APOLD1: variants seen among roughly 807,000 people sequenced by gnomAD.
APOLD1 encodes apolipoprotein L domain containing 1.
Under a neutral mutation model 15.3 loss-of-function variants are expected in APOLD1, and 22 were observed. That is an observed-to-expected ratio of 1.44 (90% CI 1.03 to 2.05). The LOEUF (loss-of-function observed/expected upper bound fraction) is 2.05, where lower values mean the gene tolerates loss of function less well. Among genes scored for constraint, APOLD1 ranks in the 30% most tolerant of loss-of-function variants. The pLI is 0.00. For missense variants in APOLD1, 394 were observed against 353.5 expected, an observed-to-expected ratio of 1.11 and a Z score of -0.92; for synonymous variants, 190 against 167.4, an observed-to-expected ratio of 1.13 and a Z score of -1.04.
chr12:12,742,500 C>T (rs890793936), intron 1 of APOLD1, among the ~76,000 whole-genome samples: 1 of 152,212 alleles, frequency 6.6e-6, no homozygotes, highest in African/African-American at 2.4e-5. Context: ...GGCACGGTGG[C>T]TCACGCCTGT....
chr12:12,733,716 C>T (rs940561449), intron 1 of APOLD1, among the ~76,000 whole-genome samples: 2 of 152,160 alleles, frequency 1.3e-5, no homozygotes, highest in East Asian at 1.9e-4. Flanking sequence ...AATTCTCCTG[C>T]CTCAGCCTCC....
chr12:12,778,515 A>T (rs1947055441), intron 1 of APOLD1, among the ~76,000 whole-genome samples: 1 of 148,104 alleles, frequency 6.8e-6, no homozygotes, highest in African/African-American at 2.5e-5. Context: ...TTTTATAGAG[A>T]TGGGTTCTCA....
At chr12:12,763,683 A>G (rs1281511951) in intron 1 of APOLD1, among the ~76,000 whole-genome samples, 2 of 152,184 alleles carry the variant, frequency 1.3e-5, no homozygotes, top group Non-Finnish European at 2.9e-5. Context: ...ACCATTTTAT[A>G]TGGGACTTTA....
chr12:12,750,326 C>T (rs12370261), intron 1 of APOLD1, among the ~76,000 whole-genome samples: 41,040 of 138,808 alleles, frequency 0.3, 5,947 homozygotes, highest in Middle Eastern at 0.41. Flanking sequence ...GAACCAAGAT[C>T]GGGCCATTGC....
chr12:12,752,209 C>A (rs1213800263), intron 1 of APOLD1, among the ~76,000 whole-genome samples: 4 of 152,112 alleles, frequency 2.6e-5, no homozygotes, highest in African/African-American at 9.7e-5. Flanking sequence ...TTTAATCTGA[C>A]TGGTAAATTC....
At chr12:12,784,052 C>T (rs1477884644), upstream of APOLD1, among the ~76,000 whole-genome samples, 1 of 152,110 alleles carries the variant, frequency 6.6e-6, no homozygotes, top group Non-Finnish European at 1.5e-5. Context: ...CAGAGAAAAA[C>T]AAATTCCAAG....
rs1019869593 is a variant in APOLD1 at position 12,787,465 on chromosome 12, A to T, written c.560A>T (p.Asp187Val). The T allele has an allele frequency of 6.2e-7, 1 of 1,613,836 alleles. No homozygotes were observed. Among genetic ancestry groups the T allele is most frequent in the Middle Eastern group, 1.7e-4 (1 of 6,060 alleles). Reference sequence around the variant, plus strand: ...CTCATCCCCAGGCGGGCGGAGGGGGACACCAAGGTTAGCCAGGCCGTGCTG... The same window carrying T: ...CTCATCCCCAGGCGGGCGGAGGGGGTCACCAAGGTTAGCCAGGCCGTGCTG... ...GFLIPRRAEG[D>V]TKVSQAVLKA... Residue 187 changes from aspartate (D) to valine (V), a missense_variant, in exon 2 of 2, where the codon GAC (aspartate) becomes GTC (valine). Asp to Val is a radical substitution (Grantham distance 152, BLOSUM62 -3). Transcript: ENST00000356591. This position sits in a 1 kb window ranked among gnomAD's most constrained non-coding sequence, Gnocchi z 4.9.
chr12:12,782,294 C>CAAACAAAA (rs1555092625), upstream of APOLD1, among the ~76,000 whole-genome samples: 14 of 108,226 alleles, frequency 1.3e-4, 1 homozygote, highest in South Asian at 3.8e-4. Context: ...AACAAACAAA[C>CAAACAAAA]ACTACCAGTT....
At chr12:12,738,807 A>G (rs1000981021) in intron 1 of APOLD1, among the ~76,000 whole-genome samples, 1 of 152,176 alleles carries the variant, frequency 6.6e-6, no homozygotes, top group African/African-American at 2.4e-5. Flanking sequence ...GATGGCTGCA[A>G]TTTGAGGAGG....
At chr12:12,756,921 G>A (rs1042426947) in intron 1 of APOLD1, among the ~76,000 whole-genome samples, 2 of 152,026 alleles carry the variant, frequency 1.3e-5, no homozygotes, top group Admixed American at 1.3e-4. Context: ...AGAGTAGCTG[G>A]GATTACAGGC....
chr12:12,757,290 C>T (rs561271875), intron 1 of APOLD1, among the ~76,000 whole-genome samples: 2 of 152,188 alleles, frequency 1.3e-5, no homozygotes, highest in African/African-American at 4.8e-5. Context: ...TTGGTGAGCC[C>T]AAGTTCACCA....
intron 1 of APOLD1, 151 bp from the exon 2 acceptor site, chr12:12,786,758 C>A (rs1398593700): frequency 7.8e-7 from 1 of 1,280,570 alleles, no homozygotes; most frequent in Non-Finnish European, 9.8e-7. Context: ...GAACTCGTCT[C>A]ATGATCCACT....
chr12:12,759,587 T>A (rs2136385029), intron 1 of APOLD1, among the ~76,000 whole-genome samples: 1 of 152,364 alleles, frequency 6.6e-6, no homozygotes. Flanking sequence ...TGCCGGCATT[T>A]ATCGCACTTC....
chr12:12,786,853 G>A (rs1947128880), intron 1 of APOLD1, 56 bp from the exon 2 acceptor site: 7 of 1,357,784 alleles, frequency 5.2e-6, no homozygotes, highest in Non-Finnish European at 6.6e-6. Context: ...GCAGCAGGGC[G>A]GGAGCGGCGG....
chr12:12,778,411 C>T (rs1299671330), intron 1 of APOLD1, among the ~76,000 whole-genome samples: 1 of 151,062 alleles, frequency 6.6e-6, no homozygotes, highest in African/African-American at 2.4e-5. Context: ...CCTCGCCCTC[C>T]TAGGCTCAAG....
chr12:12,765,026 C>T (rs112241220), intron 1 of APOLD1, among the ~76,000 whole-genome samples: 2 of 152,190 alleles, frequency 1.3e-5, no homozygotes, highest in African/African-American at 4.8e-5. Context: ...CATTTCCAGC[C>T]ATGTAGAGGA....
At chr12:12,778,521 TCTCA>T (rs1477850658) in intron 1 of APOLD1, among the ~76,000 whole-genome samples, 4 of 150,862 alleles carry the variant, frequency 2.7e-5, no homozygotes, top group Non-Finnish European at 5.9e-5. Flanking sequence ...AGAGATGGGT[TCTCA>T]CTGTGTTGCC....
intron 1 of APOLD1, among the ~76,000 whole-genome samples, chr12:12,753,092 T>TA (rs1946824696): frequency 6.6e-6 from 1 of 151,852 alleles, no homozygotes; most frequent in South Asian, 2.1e-4. Flanking sequence ...CACAATAGGC[T>TA]AAAAAAATAG....
At chr12:12,752,231 A>G (rs1946817658) in intron 1 of APOLD1, among the ~76,000 whole-genome samples, 1 of 152,174 alleles carries the variant, frequency 6.6e-6, no homozygotes. Context: ...AGAATAATAA[A>G]CTGAACATGA....
Sources: allele counts gnomAD v4.1 joint callset (sites outside exome capture counted in the v4.1 genomes callset), GRCh38; gene constraint gnomAD v4.1.1; non-coding constraint Gnocchi (gnomAD v3.1); transcripts MANE v1.5; gene names NCBI Gene and HGNC (gene_info 2026-07-23, HGNC 2026-07-21).